Variants in SLC39A11 observed in about 807,000 individuals in gnomAD.
The protein encoded by SLC39A11 is solute carrier family 39 member 11, also known as zinc transporter ZIP11.
A neutral mutation model predicts 36.1 loss-of-function variants in SLC39A11; 33 were observed. The observed-to-expected ratio is 0.91, with a 90% confidence interval of 0.69 to 1.22. The LOEUF (loss-of-function observed/expected upper bound fraction) is 1.22. Among genes scored for constraint, SLC39A11 ranks in the 50% most tolerant of loss-of-function variants. The pLI, the probability that SLC39A11 is intolerant of heterozygous loss-of-function variation, is 0.00. For missense variants in SLC39A11, 432 were observed against 430.3 expected (o/e 1.00, Z -0.03); for synonymous variants, 166 against 170.3 (o/e 0.97, Z 0.20).
chr17:72,877,062 G>C (rs1320419002), intron 5 of SLC39A11, among the ~76,000 whole-genome samples: 2 of 152,172 alleles, frequency 1.3e-5, no homozygotes, highest in Non-Finnish European at 2.9e-5. Context: ...TGTCCCACCT[G>C]GGTTAGATAA....
At chr17:72,874,333 C>T (rs1802734543) in intron 5 of SLC39A11, among the ~76,000 whole-genome samples, 1 of 152,286 alleles carries the variant, frequency 6.6e-6, no homozygotes, top group Admixed American at 6.5e-5. Context: ...GGGTTTCCTG[C>T]CCGATGTAGA....
chr17:72,940,083 C>T (rs1243828462), intron 5 of SLC39A11, among the ~76,000 whole-genome samples: 1 of 152,148 alleles, frequency 6.6e-6, no homozygotes, highest in Non-Finnish European at 1.5e-5. Flanking sequence ...CAACAGGAAA[C>T]TTACACAGTC....
chr17:72,894,294 G>A (rs149396877), intron 5 of SLC39A11, among the ~76,000 whole-genome samples: 43 of 146,238 alleles, frequency 2.9e-4, no homozygotes, highest in South Asian at 2.8e-3. Context: ...CCCAGGAAGC[G>A]GAGGTTGCAG....
intron 7 of SLC39A11, among the ~76,000 whole-genome samples, chr17:72,690,610 A>G (rs2144419322): frequency 6.6e-6 from 1 of 152,346 alleles, no homozygotes; most frequent in Admixed American, 6.5e-5. Context: ...CATGTAAGAG[A>G]GTATTTTGTG....
chr17:72,804,893 AC>A (rs2077201861), intron 6 of SLC39A11, among the ~76,000 whole-genome samples: 1 of 152,034 alleles, frequency 6.6e-6, no homozygotes, highest in Non-Finnish European at 1.5e-5. Context: ...GGTGGCGTGC[AC>A]CTTTAATCCC....
At chr17:72,897,833 A>C (rs2082108329) in intron 5 of SLC39A11, among the ~76,000 whole-genome samples, 1 of 152,196 alleles carries the variant, frequency 6.6e-6, no homozygotes, top group Non-Finnish European at 1.5e-5. Context: ...CGGCTGACCC[A>C]GAGTTGGGAG....
intron 5 of SLC39A11, among the ~76,000 whole-genome samples, chr17:72,882,675 CTT>C (rs1263048178): frequency 2.0e-5 from 3 of 152,142 alleles, no homozygotes; most frequent in Non-Finnish European, 4.4e-5. Flanking sequence ...ACCTAGTAGT[CTT>C]GAGTTTCATC....
At chr17:72,864,526 C>T (rs1022596817) in intron 5 of SLC39A11, among the ~76,000 whole-genome samples, 3 of 152,060 alleles carry the variant, frequency 2.0e-5, no homozygotes, top group East Asian at 1.9e-4. Flanking sequence ...TTACTGCAGT[C>T]GTGAGTCCCC....
At position 73,084,800 on chromosome 17, in the gene SLC39A11, C is replaced by G; in HGVS notation, c.147+8G>C. On this transcript the variant is annotated splice_region_variant and intron_variant, in intron 3 of 9. Transcript: ENST00000255559. ...CAATTTCCATTTCTCCTACTACATGCTACTTACCCCTGCAGCAAAGCCAAG... is the reference window on the plus strand; with the variant it reads ...CAATTTCCATTTCTCCTACTACATGGTACTTACCCCTGCAGCAAAGCCAAG... 6.2e-7 allele frequency: 1 copy of G among 1,614,026 alleles called. No homozygotes were observed. Among genetic ancestry groups the G allele is most frequent in the Non-Finnish European group, 8.5e-7 (1 of 1,179,924 alleles).
chr17:73,017,145 C>T (rs566558507), intron 4 of SLC39A11, among the ~76,000 whole-genome samples: 14 of 152,202 alleles, frequency 9.2e-5, no homozygotes, highest in Admixed American at 2.0e-4. Flanking sequence ...AAAAATGAGG[C>T]CAAAAACACC....
At chr17:72,697,331 C>T (rs1450894204) in intron 7 of SLC39A11, among the ~76,000 whole-genome samples, 1 of 152,212 alleles carries the variant, frequency 6.6e-6, no homozygotes, top group South Asian at 2.1e-4. Context: ...GATCTGCCCA[C>T]CTTGGCCTCC....
In SLC39A11 at chr17:73,081,670, CAT is replaced by C. The variant is rs1334829443; in HGVS notation, c.147+3136_147+3137del. Among the ~76,000 whole-genome samples the C allele has an allele frequency of 1.6e-4, 13 of 82,228 alleles. No individual in the cohort carries two copies. In the South Asian group the frequency reaches 2.8e-3, roughly 18 times the overall value. The allele number at this position is 82,228 out of a possible 152,430, so 53.9% of individuals were successfully genotyped here. A position where few individuals can be genotyped will look rare whatever the true frequency, so the allele number is the denominator to read the frequency against. On this transcript the variant is annotated intron_variant, in intron 3 of 9. Transcript: ENST00000255559. ...ACACACACACACACACACACACACA[CAT>C]ATATATACACATATATGTATATATG...
chr17:72,980,118 A>C (rs755792628), intron 4 of SLC39A11, among the ~76,000 whole-genome samples: 5 of 152,230 alleles, frequency 3.3e-5, no homozygotes, highest in Non-Finnish European at 7.3e-5. Context: ...TTATTTATGA[A>C]GATATTACTG....
chr17:72,692,074 G>A lies in SLC39A11; in HGVS notation c.672-42806C>T, dbSNP rs138992584. 6.7e-3 allele frequency among the ~76,000 whole-genome samples: 1,013 copies of A among 151,338 alleles called. 20 individuals carry two copies. Among genetic ancestry groups the A allele is most frequent in the African/African-American group, 0.023 (939 of 41,210 alleles). ...CACTCAGGCTGGAGTGCAGTGGCGC[G>A]ATCTCGGCTCACTGCAAGCTCTGCC... On this transcript the variant is annotated intron_variant, in intron 7 of 9. Coordinates refer to ENST00000255559, the MANE Select transcript of SLC39A11 (RefSeq NM_139177.4).
intron 9 of SLC39A11, 60 bp downstream of exon 9, chr17:72,648,743 A>C (rs1245301450): frequency 3.7e-6 from 6 of 1,601,614 alleles, no homozygotes; most frequent in Non-Finnish European, 4.3e-6. Context: ...AGCATATCCC[A>C]AGGCTGGGGT....
At chr17:72,871,358 G>A (rs1297044830) in intron 5 of SLC39A11, among the ~76,000 whole-genome samples, 1 of 152,022 alleles carries the variant, frequency 6.6e-6, no homozygotes, top group South Asian at 2.1e-4. Context: ...CACTGCACCC[G>A]GCCTATAACA....
intron 4 of SLC39A11, among the ~76,000 whole-genome samples, chr17:72,957,390 G>C (rs2086306097): frequency 1.3e-5 from 2 of 152,200 alleles, no homozygotes; most frequent in African/African-American, 4.8e-5. Context: ...ATTCCCTGCA[G>C]CTCTCCATGG....
At chr17:72,890,285 A>AAC (rs1491449548) in intron 5 of SLC39A11, among the ~76,000 whole-genome samples, 8 of 40,350 alleles carry the variant, frequency 2.0e-4, no homozygotes, top group African/African-American at 6.5e-4. Context: ...CAACAACAAC[A>AAC]AAAAAAAAAA....
chr17:72,963,098 G>A (rs2086718643), intron 4 of SLC39A11, among the ~76,000 whole-genome samples: 1 of 151,824 alleles, frequency 6.6e-6, no homozygotes, highest in African/African-American at 2.4e-5. Flanking sequence ...AACTTAATGG[G>A]ACTTAATTCC....
Sources: allele counts gnomAD v4.1 joint callset (sites outside exome capture counted in the v4.1 genomes callset), GRCh38; gene constraint gnomAD v4.1.1; transcripts MANE v1.5; gene names NCBI Gene and HGNC (gene_info 2026-07-23, HGNC 2026-07-21).